CADPS: variants seen among roughly 807,000 people sequenced by gnomAD.
The protein encoded by CADPS is calcium-dependent secretion activator 1.
Under a neutral mutation model 167.3 loss-of-function variants are expected in CADPS, and 57 were observed. The ratio of observed to expected loss-of-function variants is 0.34; its 90% CI spans 0.28 to 0.42. The LOEUF is 0.42. CADPS is among the 20% of genes least tolerant of loss of function. CADPS has a pLI of 1.00. For missense variants in CADPS, 1,414 were observed against 1,738.1 expected, an observed-to-expected ratio of 0.81 and a Z score of 3.32; for synonymous variants, 676 against 635.3, an observed-to-expected ratio of 1.06 and a Z score of -0.96.
At chr3:62,634,836 G>T (rs2065961593) in intron 6 of CADPS, among the ~76,000 whole-genome samples, 1 of 152,130 alleles carries the variant, frequency 6.6e-6, no homozygotes, top group Non-Finnish European at 1.5e-5. Context: ...GTTCCCTGTT[G>T]TAGCCCCAGT....
chr3:62,854,717 A>G, intron 1 of CADPS, among the ~76,000 whole-genome samples: 1 of 152,208 alleles, frequency 6.6e-6, no homozygotes, highest in Admixed American at 6.5e-5. Flanking sequence ...TTCCCAATGT[A>G]AAACATCTAC....
At chr3:62,722,076 T>G (rs2075944053) in intron 3 of CADPS, among the ~76,000 whole-genome samples, 1 of 152,174 alleles carries the variant, frequency 6.6e-6, no homozygotes, top group African/African-American at 2.4e-5. Flanking sequence ...GCACTGTCAT[T>G]ATAGTTGAGG....
At chr3:62,730,711 G>C (rs2077604234) in intron 3 of CADPS, among the ~76,000 whole-genome samples, 1 of 152,194 alleles carries the variant, frequency 6.6e-6, no homozygotes, top group Admixed American at 6.5e-5. Flanking sequence ...TCCTGCAGAA[G>C]TCTCTTTCTG....
chr3:62,825,983 G>C (rs909771990), intron 1 of CADPS, among the ~76,000 whole-genome samples: 5 of 152,174 alleles, frequency 3.3e-5, no homozygotes, highest in African/African-American at 1.2e-4. Flanking sequence ...CTCAAAGAAT[G>C]TAGACTTTGC....
In CADPS at chr3:62,455,746, G is replaced by C. The variant is rs2058617105; in HGVS notation, c.3636+9621C>G. Among the ~76,000 whole-genome samples, 2 of 152,144 alleles carry C rather than the reference G, an allele frequency of 1.3e-5. No individual in the cohort carries two copies. On this transcript the variant is annotated intron_variant, in intron 26 of 29. Transcript: ENST00000383710. This position sits in a 1 kb window ranked among gnomAD's most constrained non-coding sequence, Gnocchi z 4.4. ...AAGAAGGGTGACAGAATGCAAGCTT[G>C]AAGAGGACAAGGGCCATGTCTTACT...
At position 62,496,791 on chromosome 3, in the gene CADPS, C is replaced by A. The variant is rs548067611; in HGVS notation, c.2706+2371G>T. Among the ~76,000 whole-genome samples the A allele has an allele frequency of 4.3e-4, 65 of 152,256 alleles. 1 individual carries two copies. The highest frequency in any genetic ancestry group is 8.1e-4 in the Non-Finnish European group (55 of 68,026). ...TGCTTGAAGGACAGGCTGTCCTATG[C>A]CTAGTTGTCTTTCAAAAAGCACCAA... On this transcript the variant is annotated intron_variant, in intron 18 of 29. Transcript: ENST00000383710.
chr3:62,850,983 G>T (rs1309155959), intron 1 of CADPS, among the ~76,000 whole-genome samples: 1 of 148,346 alleles, frequency 6.7e-6, no homozygotes, highest in African/African-American at 2.5e-5. Context: ...ATATATTTAG[G>T]ATAGTTAGCT....
intron 3 of CADPS, among the ~76,000 whole-genome samples, chr3:62,695,384 G>C (rs1375719331): frequency 1.3e-5 from 2 of 152,034 alleles, no homozygotes; most frequent in Non-Finnish European, 2.9e-5. Flanking sequence ...AAACAGAAGT[G>C]GCCCTGCAAA....
At chr3:62,722,588 T>A (rs533764241) in intron 3 of CADPS, among the ~76,000 whole-genome samples, 12 of 152,298 alleles carry the variant, frequency 7.9e-5, no homozygotes, top group African/African-American at 2.9e-4. Flanking sequence ...TTTGAGTAAA[T>A]CAACTTCTAT....
chr3:62,442,228 T>G lies in CADPS; in HGVS notation c.3669+3537A>C, dbSNP rs183699126. On this transcript the variant is annotated intron_variant, in intron 27 of 29. Transcript: ENST00000383710. Reference sequence around the variant, plus strand: ...GGTAAACTGACTCTTTTTTTTTTTTTGAGATGGAGTTTCGCTCTTGTTGCC... The same window carrying G: ...GGTAAACTGACTCTTTTTTTTTTTTGGAGATGGAGTTTCGCTCTTGTTGCC... Among the ~76,000 whole-genome samples, 7 of 151,648 alleles carry G rather than the reference T, an allele frequency of 4.6e-5. No homozygotes were observed. The East Asian group carries it at 1.2e-3, about 25-fold the overall frequency.
intron 22 of CADPS, among the ~76,000 whole-genome samples, chr3:62,481,241 A>G (rs2061975653): frequency 6.6e-6 from 1 of 152,156 alleles, no homozygotes; most frequent in Admixed American, 6.5e-5. Context: ...ATATCCTGCC[A>G]TTTGCTGACA....
intron 14 of CADPS, among the ~76,000 whole-genome samples, chr3:62,517,132 G>A (rs555746607): frequency 1.1e-4 from 17 of 152,144 alleles, no homozygotes; most frequent in East Asian, 1.9e-4. Context: ...GTTATGGACC[G>A]TCTGCTACCG....
intron 17 of CADPS, among the ~76,000 whole-genome samples, chr3:62,509,593 C>T (rs911456172): frequency 6.6e-6 from 1 of 152,094 alleles, no homozygotes; most frequent in African/African-American, 2.4e-5. Context: ...CCTGGAAGTC[C>T]TTTGGATAGA....
intron 1 of CADPS, among the ~76,000 whole-genome samples, chr3:62,771,344 T>G (rs1360031328): frequency 6.6e-6 from 1 of 152,216 alleles, no homozygotes; most frequent in Non-Finnish European, 1.5e-5. Flanking sequence ...AGAAATCGCA[T>G]ACTCATCTTT....
At chr3:62,615,907 C>T (rs994708185) in intron 6 of CADPS, among the ~76,000 whole-genome samples, 2 of 152,202 alleles carry the variant, frequency 1.3e-5, no homozygotes, top group African/African-American at 2.4e-5. Flanking sequence ...CTGCAACCTT[C>T]TGAGTGGTGT....
chr3:62,777,746 A>C (rs2090657191), intron 1 of CADPS, among the ~76,000 whole-genome samples: 1 of 152,212 alleles, frequency 6.6e-6, no homozygotes, highest in African/African-American at 2.4e-5. Flanking sequence ...AGACACACAC[A>C]TGTGCACATG....
chr3:62,459,686 T>A (rs1285231965), intron 26 of CADPS, among the ~76,000 whole-genome samples: 1 of 152,228 alleles, frequency 6.6e-6, no homozygotes, highest in African/African-American at 2.4e-5. Context: ...GTAATCACCA[T>A]GCTTGTAAAC....
intron 6 of CADPS, among the ~76,000 whole-genome samples, chr3:62,611,732 T>C (rs904975027): frequency 5.9e-5 from 9 of 152,340 alleles, no homozygotes; most frequent in Admixed American, 4.6e-4. Context: ...TCATACTTAC[T>C]GTTCCCTACG....
At chr3:62,462,865 G>A (rs1490746435) in intron 26 of CADPS, among the ~76,000 whole-genome samples, 2 of 152,206 alleles carry the variant, frequency 1.3e-5, no homozygotes. Context: ...GAATCCATGT[G>A]TGGAGATATT....
Sources: allele counts gnomAD v4.1 joint callset (sites outside exome capture counted in the v4.1 genomes callset), GRCh38; gene constraint gnomAD v4.1.1; non-coding constraint Gnocchi (gnomAD v3.1); transcripts MANE v1.5; gene names NCBI Gene and HGNC (gene_info 2026-07-23, HGNC 2026-07-21).